The following JPH2 variants were observed in gnomAD, a reference collection of about 807,000 sequenced individuals.
JPH2 encodes the protein junctophilin 2.
JPH2 carries 38 observed loss-of-function variants against 55.9 expected under a neutral mutation model. That is an observed-to-expected ratio of 0.68 (90% CI 0.52 to 0.89). JPH2 has a LOEUF of 0.89. Among genes scored for constraint, JPH2 ranks in the 40% least tolerant of loss-of-function variants. The pLI, the probability that JPH2 is intolerant of heterozygous loss-of-function variation, is 0.00. For synonymous variants in JPH2, 480 were observed against 472.4 expected (o/e 1.02, Z -0.21); for missense variants, 964 against 1,037.6 (o/e 0.93, Z 0.97).
intron 2 of JPH2, among the ~76,000 whole-genome samples, chr20:44,142,777 G>A (rs2072466997): frequency 6.6e-6 from 1 of 152,248 alleles, no homozygotes; most frequent in Non-Finnish European, 1.5e-5. Flanking sequence ...ACCTGGCACA[G>A]AGCAGGCTCT....
chr20:44,116,884 C>CA (rs1421110442), intron 3 of JPH2, among the ~76,000 whole-genome samples: 2 of 152,236 alleles, frequency 1.3e-5, no homozygotes, highest in African/African-American at 4.8e-5. Context: ...TCCTCCCAGG[C>CA]ATAGGTTTTC....
intron 1 of JPH2, among the ~76,000 whole-genome samples, chr20:44,175,797 C>T (rs768834162): frequency 1.3e-5 from 2 of 152,204 alleles, no homozygotes; most frequent in Non-Finnish European, 2.9e-5. Context: ...ATTTCCAGGC[C>T]TTGGGTCAGC....
intron 2 of JPH2, among the ~76,000 whole-genome samples, chr20:44,154,992 G>A (rs1189736654): frequency 1.4e-4 from 21 of 152,120 alleles, no homozygotes; most frequent in African/African-American, 5.1e-4. Flanking sequence ...TGTGGGCCTG[G>A]CAGCCTTCTC....
chr20:44,114,660 C>A, intron 5 of JPH2, 122 bp downstream of exon 5: 1 of 692,316 alleles, frequency 1.4e-6, no homozygotes. Context: ...GGTGGGTGGG[C>A]CTCAATTAGT....
chr20:44,135,147 G>A (rs79937725), intron 2 of JPH2, among the ~76,000 whole-genome samples: 104 of 151,694 alleles, frequency 6.9e-4, no homozygotes, highest in African/African-American at 2.5e-3. Flanking sequence ...GGATGTAAAC[G>A]TTCCTTCTTA....
chr20:44,168,033 G>C (rs6017278), intron 1 of JPH2, among the ~76,000 whole-genome samples: 35,743 of 152,040 alleles, frequency 0.24, 4,466 homozygotes, highest in African/African-American at 0.33. Flanking sequence ...GGAGTGGGGA[G>C]GGTGGGTTGA....
chr20:44,122,643 A>C (rs2072245512), intron 2 of JPH2, among the ~76,000 whole-genome samples: 1 of 152,132 alleles, frequency 6.6e-6, no homozygotes, highest in South Asian at 2.1e-4. Flanking sequence ...TGTAAAGTGG[A>C]GATAGTAATT....
At chr20:44,114,911 A>T in intron 4 of JPH2, 35 bp from the exon 5 acceptor site, 1 of 1,531,858 alleles carries the variant, frequency 6.5e-7, no homozygotes, top group Non-Finnish European at 8.9e-7. Flanking sequence ...CTGAGTCCCC[A>T]TGGCCTCGGA....
intron 2 of JPH2, among the ~76,000 whole-genome samples, chr20:44,135,369 T>C (rs1374941853): frequency 6.6e-6 from 1 of 152,164 alleles, no homozygotes. Context: ...GTTCCTCAAA[T>C]GTGCCCTGTC....
At chr20:44,183,712 C>T (rs551308221) in intron 1 of JPH2, among the ~76,000 whole-genome samples, 5 of 152,316 alleles carry the variant, frequency 3.3e-5, no homozygotes, top group Non-Finnish European at 7.3e-5. Flanking sequence ...TGCCAAATGT[C>T]ATTTGTAAAA....
Position 44,160,220 on chromosome 20 carries a change from C to T in JPH2, c.567G>A (p.Ala189=), listed in dbSNP as rs1343965129. ...SPASPASDGP[A]LPSPAIPRGG... Reference sequence around the variant, plus strand: ...CACGCGGGATGGCGGGCGAGGGCAGCGCGGGGCCGTCGGAGGCCGGCGAGG... The same window carrying T: ...CACGCGGGATGGCGGGCGAGGGCAGTGCGGGGCCGTCGGAGGCCGGCGAGG... Residue 189 remains alanine (A), a synonymous_variant, in exon 2 of 6, where the codon GCG becomes GCA. Transcript: ENST00000372980. The surrounding 1 kb of genome is among the most constrained non-coding windows in gnomAD (Gnocchi z 4.9). 2.7e-6 allele frequency: 4 copies of T among 1,475,532 alleles called. No individual in the cohort carries two copies. In the African/African-American group the frequency reaches 5.8e-5, roughly 22 times the overall value. 91.4% of individuals were successfully genotyped at this position (1,475,532 alleles called of 1,614,324 possible).
chr20:44,125,212 T>C (rs2072267203), intron 2 of JPH2, among the ~76,000 whole-genome samples: 1 of 152,068 alleles, frequency 6.6e-6, no homozygotes, highest in Admixed American at 6.5e-5. Flanking sequence ...GAAACACAAC[T>C]ATGCTCATTC....
intron 2 of JPH2, among the ~76,000 whole-genome samples, chr20:44,126,141 AGG>A (rs1491112725): frequency 0.28 from 12,676 of 45,422 alleles, 1,770 homozygotes; most frequent in East Asian, 0.48. Context: ...AAAAAGAGAG[AGG>A]GAGGGAGGGA....
chr20:44,165,315 C>G (rs958545342), intron 1 of JPH2, among the ~76,000 whole-genome samples: 1 of 150,556 alleles, frequency 6.6e-6, no homozygotes, highest in Non-Finnish European at 1.5e-5. Flanking sequence ...AAAAAAACAA[C>G]CCAGCATAGC....
intron 2 of JPH2, among the ~76,000 whole-genome samples, chr20:44,121,930 G>A (rs1354434784): frequency 1.3e-5 from 2 of 152,124 alleles, no homozygotes; most frequent in African/African-American, 2.4e-5. Context: ...CCAGGAGATC[G>A]AGGCTGCAGT....
chr20:44,114,299 C>T (rs1305051654), intron 5 of JPH2, among the ~76,000 whole-genome samples: 2 of 152,256 alleles, frequency 1.3e-5, no homozygotes, highest in East Asian at 3.9e-4. Flanking sequence ...AAAGGGAGCA[C>T]GGAGATGAGT....
chr20:44,122,802 T>G (rs1289942346), intron 2 of JPH2, among the ~76,000 whole-genome samples: 2 of 152,136 alleles, frequency 1.3e-5, no homozygotes, highest in Non-Finnish European at 2.9e-5. Flanking sequence ...GTGTGCTACA[T>G]GCATATCCCC....
intron 2 of JPH2, among the ~76,000 whole-genome samples, chr20:44,151,519 A>C (rs1487613301): frequency 6.6e-6 from 1 of 152,138 alleles, no homozygotes; most frequent in African/African-American, 2.4e-5. Flanking sequence ...TCTGTCTCAA[A>C]AAAAAAACAG....
intron 1 of JPH2, among the ~76,000 whole-genome samples, chr20:44,169,573 G>A (rs1468965850): frequency 6.6e-6 from 1 of 152,134 alleles, no homozygotes; most frequent in Non-Finnish European, 1.5e-5. Flanking sequence ...AGAGACATAT[G>A]GGCCAGACCA....
Sources: allele counts gnomAD v4.1 joint callset (sites outside exome capture counted in the v4.1 genomes callset), GRCh38; gene constraint gnomAD v4.1.1; non-coding constraint Gnocchi (gnomAD v3.1); transcripts MANE v1.5; gene names NCBI Gene and HGNC (gene_info 2026-07-23, HGNC 2026-07-21).